The following PARD3B variants were observed in gnomAD, a reference collection of about 807,000 sequenced individuals.
PARD3B encodes par-3 family cell polarity regulator beta.
A neutral mutation model predicts 130.2 loss-of-function variants in PARD3B; 103 were observed. The ratio of observed to expected loss-of-function variants is 0.79; its 90% CI spans 0.67 to 0.93. The LOEUF (loss-of-function observed/expected upper bound fraction) is 0.93. Ranked by LOEUF, PARD3B falls within the 40% of genes least tolerant of loss-of-function variation. The probability of loss-of-function intolerance (pLI) is 0.00; values close to 1 mark genes in which losing one functional copy is unlikely to be tolerated. For missense variants in PARD3B, 1,609 were observed against 1,499.2 expected (o/e 1.07, Z -1.21); for synonymous variants, 583 against 553.2 (o/e 1.05, Z -0.76).
intron 1 of PARD3B, among the ~76,000 whole-genome samples, chr2:204,585,855 A>C (rs530411779): frequency 6.0e-4 from 92 of 152,310 alleles, no homozygotes; most frequent in Non-Finnish European, 1.3e-3. Flanking sequence ...TCTGTGCTAA[A>C]TCTTAAACAT....
At chr2:204,566,029 T>G (rs538497240) in intron 1 of PARD3B, among the ~76,000 whole-genome samples, 5 of 152,378 alleles carry the variant, frequency 3.3e-5, no homozygotes, top group African/African-American at 1.2e-4. Context: ...CAGTGAATAA[T>G]ATTAATACAA....
intron 2 of PARD3B, among the ~76,000 whole-genome samples, chr2:204,915,043 G>A (rs994012072): frequency 6.6e-6 from 1 of 152,100 alleles, no homozygotes; most frequent in African/African-American, 2.4e-5. Flanking sequence ...GTGGATCGGC[G>A]GGGAGGAGGA....
rs1308195775 is a variant in PARD3B at position 205,458,116 on chromosome 2, T to A, written c.3044+17444T>A. On this transcript the variant is annotated intron_variant, in intron 20 of 22. Coordinates refer to ENST00000406610, the MANE Select transcript of PARD3B (RefSeq NM_001302769.2). This position sits in a 1 kb window ranked among gnomAD's most constrained non-coding sequence, Gnocchi z 4.8. The stretch of plus-strand genomic sequence containing the variant: ...CAGCAGTTTTACTGTGATGTGTCTG[T>A]GAGCGTGTGTTGGCAGGGAGGTATG... Among the ~76,000 whole-genome samples the A allele has an allele frequency of 6.6e-6, 1 of 152,186 alleles. No homozygotes were observed.
chr2:204,614,736 G>C (rs545786097), intron 1 of PARD3B, among the ~76,000 whole-genome samples: 1 of 152,184 alleles, frequency 6.6e-6, no homozygotes, highest in South Asian at 2.1e-4. Context: ...ACAAGATCTG[G>C]TTGTTTAAAA....
At chr2:204,574,289 A>C (rs2032146902) in intron 1 of PARD3B, among the ~76,000 whole-genome samples, 1 of 152,242 alleles carries the variant, frequency 6.6e-6, no homozygotes, top group Admixed American at 6.5e-5. Context: ...AAAAGAAATT[A>C]TGACAAAGTT....
chr2:205,485,073 G>A (rs928225926), intron 20 of PARD3B, among the ~76,000 whole-genome samples: 5 of 152,170 alleles, frequency 3.3e-5, no homozygotes, highest in Admixed American at 1.3e-4. Flanking sequence ...CGCCTGAATG[G>A]GGCAATGGCT....
chr2:205,166,084 C>G (rs898329208), intron 11 of PARD3B, among the ~76,000 whole-genome samples: 1 of 152,146 alleles, frequency 6.6e-6, no homozygotes, highest in Non-Finnish European at 1.5e-5. Flanking sequence ...TTAGCAAGCA[C>G]TTCTTGAACA....
intron 3 of PARD3B, among the ~76,000 whole-genome samples, chr2:204,983,529 G>A (rs1412987804): frequency 6.6e-6 from 1 of 152,140 alleles, no homozygotes; most frequent in Non-Finnish European, 1.5e-5. Context: ...CAGCCTGTGT[G>A]GAGGAAATCT....
At chr2:205,577,069 G>A (rs2053787228) in intron 22 of PARD3B, among the ~76,000 whole-genome samples, 1 of 152,100 alleles carries the variant, frequency 6.6e-6, no homozygotes, top group African/African-American at 2.4e-5. Context: ...ATGGTATTGT[G>A]TTTCTAATTT....
intron 3 of PARD3B, among the ~76,000 whole-genome samples, chr2:205,039,829 C>A (rs1698266323): frequency 6.6e-6 from 1 of 152,216 alleles, no homozygotes; most frequent in Non-Finnish European, 1.5e-5. Flanking sequence ...ATTCCCCTTA[C>A]TTCTATGCAC....
In PARD3B at chr2:205,458,517, A is replaced by C. The variant is rs1360700185; in HGVS notation, c.3044+17845A>C. 6.6e-6 allele frequency among the ~76,000 whole-genome samples: 1 copy of C among 151,798 alleles called. No individual in the cohort carries two copies. Among genetic ancestry groups the C allele is most frequent in the Non-Finnish European group, 1.5e-5 (1 of 67,970 alleles). On this transcript the variant is annotated intron_variant, in intron 20 of 22. Transcript: ENST00000406610. The surrounding 1 kb of genome is among the most constrained non-coding windows in gnomAD (Gnocchi z 4.8). ...ATTAAACCCTTCTGTTGAGCACTTA[A>C]TTTTAGTTATTGTAATTTTCAGTTT...
intron 2 of PARD3B, among the ~76,000 whole-genome samples, chr2:204,771,460 AT>A (rs1368700076): frequency 1.6e-4 from 24 of 152,208 alleles, no homozygotes; most frequent in African/African-American, 5.3e-4. Flanking sequence ...TCATAGCACC[AT>A]TTAAAATTGC....
intron 2 of PARD3B, among the ~76,000 whole-genome samples, chr2:204,802,349 T>C (rs1009376202): frequency 1.3e-5 from 2 of 152,150 alleles, no homozygotes; most frequent in African/African-American, 2.4e-5. Context: ...CAACAGATGC[T>C]GGAGAGGATG....
rs376392582 is a variant in PARD3B at position 204,902,896 on chromosome 2, G to A, written c.223-62256G>A. Reference sequence around the variant, plus strand: ...TCAGTGCATCTAGTTTTATGGGTACGACTGGTCAGTGAATTGCTGGTCACT... The same window carrying A: ...TCAGTGCATCTAGTTTTATGGGTACAACTGGTCAGTGAATTGCTGGTCACT... On this transcript the variant is annotated intron_variant, in intron 2 of 22. Transcript: ENST00000406610. 3.9e-5 allele frequency among the ~76,000 whole-genome samples: 6 copies of A among 152,176 alleles called. No individual in the cohort carries two copies. In the South Asian group the frequency reaches 1.2e-3, roughly 32 times the overall value.
chr2:205,035,217 G>A (rs1697732569), intron 3 of PARD3B, among the ~76,000 whole-genome samples: 1 of 152,094 alleles, frequency 6.6e-6, no homozygotes, highest in East Asian at 1.9e-4. Flanking sequence ...CTGAGAGATT[G>A]AATAAATGGA....
intron 3 of PARD3B, among the ~76,000 whole-genome samples, chr2:205,014,459 C>T (rs183991774): frequency 1.3e-5 from 2 of 152,322 alleles, no homozygotes; most frequent in Admixed American, 6.5e-5. Context: ...TAATTCACAA[C>T]TGGGATGCCC....
rs200191204 is a variant in PARD3B, at chr2:204,746,288, A to G, written c.222+60006A>G. Among the ~76,000 whole-genome samples the G allele has an allele frequency of 6.7e-4, 101 of 151,840 alleles. No homozygotes were observed. In the East Asian group the frequency reaches 0.019, roughly 28 times the overall value. On this transcript the variant is annotated intron_variant, in intron 2 of 22. Transcript: ENST00000406610. Reference sequence around the variant, plus strand: ...AGAATGATGGTTTCCAGCTTCATCCATGTCCCTACAAAGGACATGAACTCA... The same window carrying G: ...AGAATGATGGTTTCCAGCTTCATCCGTGTCCCTACAAAGGACATGAACTCA...
intron 2 of PARD3B, among the ~76,000 whole-genome samples, chr2:204,705,158 G>A (rs1353071029): frequency 6.6e-6 from 1 of 152,184 alleles, no homozygotes; most frequent in East Asian, 1.9e-4. Flanking sequence ...TCAGTGATGA[G>A]CATGGCAGAT....
chr2:204,805,566 G>A (rs2042736908), intron 2 of PARD3B, among the ~76,000 whole-genome samples: 1 of 151,950 alleles, frequency 6.6e-6, no homozygotes, highest in Admixed American at 6.6e-5. Context: ...ATTATTTGAG[G>A]CCAATATTGC....
Sources: allele counts gnomAD v4.1 joint callset (sites outside exome capture counted in the v4.1 genomes callset), GRCh38; gene constraint gnomAD v4.1.1; non-coding constraint Gnocchi (gnomAD v3.1); transcripts MANE v1.5; gene names NCBI Gene and HGNC (gene_info 2026-07-23, HGNC 2026-07-21).